RBFOX3: variants seen among roughly 807,000 people sequenced by gnomAD.
The protein encoded by RBFOX3 is RNA binding protein fox-1 homolog 3.
RBFOX3 carries 17 observed loss-of-function variants against 48.7 expected under a neutral mutation model. That is an observed-to-expected ratio of 0.35 (90% CI 0.24 to 0.52). The LOEUF is 0.52. RBFOX3 is among the 20% of genes least tolerant of loss of function. The probability of loss-of-function intolerance (pLI) is 0.94; values close to 1 mark genes in which losing one functional copy is unlikely to be tolerated. For synonymous variants in RBFOX3, 212 were observed against 209.5 expected, an observed-to-expected ratio of 1.01 and a Z score of -0.10; for missense variants, 382 against 497.5, an observed-to-expected ratio of 0.77 and a Z score of 2.21.
At chr17:79,485,671 T>C (rs2079471512) in intron 1 of RBFOX3, among the ~76,000 whole-genome samples, 1 of 152,200 alleles carries the variant, frequency 6.6e-6, no homozygotes, top group Admixed American at 6.5e-5. Context: ...TAACTGGTCC[T>C]ACCCAGCCCT....
chr17:79,587,629 G>GT (rs2093293520), intron 1 of RBFOX3, among the ~76,000 whole-genome samples: 1 of 152,206 alleles, frequency 6.6e-6, no homozygotes, highest in South Asian at 2.1e-4. Flanking sequence ...GCCAGGCGAG[G>GT]TCCCCCCACG....
intron 2 of RBFOX3, among the ~76,000 whole-genome samples, chr17:79,325,159 G>A (rs972182882): frequency 3.3e-5 from 5 of 152,220 alleles, no homozygotes; most frequent in Admixed American, 1.3e-4. Context: ...CCTGCATCAG[G>A]GAGAAGCAGA....
At chr17:79,557,884 G>A (rs1046634844) in intron 1 of RBFOX3, among the ~76,000 whole-genome samples, 3 of 152,356 alleles carry the variant, frequency 2.0e-5, no homozygotes, top group South Asian at 2.1e-4. Flanking sequence ...GAGGACGCAG[G>A]GGGTGGCGCT....
chr17:79,125,714 C>T (rs909168131), intron 4 of RBFOX3, among the ~76,000 whole-genome samples: 4 of 152,238 alleles, frequency 2.6e-5, no homozygotes, highest in Admixed American at 2.6e-4. Flanking sequence ...AGACGGCTCC[C>T]GCCTGCGGGA....
intron 2 of RBFOX3, among the ~76,000 whole-genome samples, chr17:79,356,348 G>GGTTTTTTTTTTTTTT (rs2084999414): frequency 4.2e-5 from 2 of 47,270 alleles, no homozygotes; most frequent in Non-Finnish European, 4.1e-5. Context: ...AAACAGGGAA[G>GGTTTTTTTTTTTTTT]TTTTTTTTTT....
chr17:79,456,564 T>C (rs188648370), intron 2 of RBFOX3, among the ~76,000 whole-genome samples: 1,684 of 152,288 alleles, frequency 0.011, 13 homozygotes, highest in Middle Eastern at 0.044. Flanking sequence ...TCTGACCTAG[T>C]TCCTTCTAAC....
chr17:79,655,763 C>G, the RBFOX3 span, among the ~76,000 whole-genome samples: 3 of 152,170 alleles, frequency 2.0e-5, no homozygotes, highest in Non-Finnish European at 4.4e-5. Flanking sequence ...CAAGGGATGT[C>G]CAAATCTGAC....
intron 3 of RBFOX3, among the ~76,000 whole-genome samples, chr17:79,244,236 G>T (rs2064606995): frequency 6.6e-6 from 1 of 152,150 alleles, no homozygotes; most frequent in African/African-American, 2.4e-5. Flanking sequence ...ATTGGGTGAG[G>T]GTGTGTGAGG....
At chr17:79,336,389 A>AAAATAAAT (rs71161661) in intron 2 of RBFOX3, among the ~76,000 whole-genome samples, 207 of 146,912 alleles carry the variant, frequency 1.4e-3, no homozygotes, top group South Asian at 7.6e-3. Flanking sequence ...TTCATCTCAA[A>AAAATAAAT]AAATAAATAA....
intron 4 of RBFOX3, among the ~76,000 whole-genome samples, chr17:79,172,539 T>C (rs1341840743): frequency 6.6e-6 from 1 of 152,208 alleles, no homozygotes; most frequent in Middle Eastern, 3.2e-3. Context: ...CTCCATCTGA[T>C]GGCGATTCCA....
chr17:79,550,786 T>C (rs2091066414), intron 1 of RBFOX3, among the ~76,000 whole-genome samples: 2 of 151,430 alleles, frequency 1.3e-5, no homozygotes, highest in South Asian at 2.2e-4. Flanking sequence ...GGTGGGTGGA[T>C]GGATGGATGG....
intron 2 of RBFOX3, among the ~76,000 whole-genome samples, chr17:79,446,767 C>T (rs2072394102): frequency 8.8e-6 from 1 of 113,330 alleles, no homozygotes; most frequent in South Asian, 2.8e-4. Flanking sequence ...TGGGGCAGCC[C>T]TGCTCTGCAG....
At chr17:79,538,051 C>T (rs190030103) in intron 1 of RBFOX3, among the ~76,000 whole-genome samples, 1 of 152,320 alleles carries the variant, frequency 6.6e-6, no homozygotes, top group African/African-American at 2.4e-5. Flanking sequence ...CTCTGGAGCC[C>T]AGCACAGGGG....
chr17:79,217,874 C>T (rs555476234), intron 4 of RBFOX3, among the ~76,000 whole-genome samples: 1 of 152,126 alleles, frequency 6.6e-6, no homozygotes, highest in Non-Finnish European at 1.5e-5. Flanking sequence ...GGCCACGGGG[C>T]TTAGGGAGGA....
chr17:79,436,052 C>T (rs2069379889), intron 2 of RBFOX3, among the ~76,000 whole-genome samples: 1 of 152,228 alleles, frequency 6.6e-6, no homozygotes, highest in African/African-American at 2.4e-5. Context: ...TGTGAAAGAG[C>T]AGAGGGAGCC....
chr17:79,157,247 C>T (rs78418700), intron 4 of RBFOX3, among the ~76,000 whole-genome samples: 5,340 of 152,306 alleles, frequency 0.035, 162 homozygotes, highest in South Asian at 0.13. Flanking sequence ...TCTGCTTTTG[C>T]CCTGGCCTGG....
At chr17:79,652,962 T>A in the RBFOX3 span, among the ~76,000 whole-genome samples, 1 of 151,930 alleles carries the variant, frequency 6.6e-6, no homozygotes, top group East Asian at 1.9e-4. Flanking sequence ...TGGGGCCATA[T>A]AATAGGATCA....
At chr17:79,193,931 G>A (rs938323606) in intron 4 of RBFOX3, among the ~76,000 whole-genome samples, 1 of 152,162 alleles carries the variant, frequency 6.6e-6, no homozygotes, top group Non-Finnish European at 1.5e-5. Context: ...AGGCCTGATG[G>A]TGGAGGAGGT....
chr17:79,142,681 G>C (rs893250498), intron 4 of RBFOX3, among the ~76,000 whole-genome samples: 26 of 152,160 alleles, frequency 1.7e-4, no homozygotes, highest in African/African-American at 6.0e-4. Context: ...GGTGCCGGGG[G>C]TGCACCTGGG....
Sources: allele counts gnomAD v4.1 joint callset (sites outside exome capture counted in the v4.1 genomes callset), GRCh38; gene constraint gnomAD v4.1.1; transcripts MANE v1.5; gene names NCBI Gene and HGNC (gene_info 2026-07-23, HGNC 2026-07-21).